HMCN1: variants seen among roughly 807,000 people sequenced by gnomAD.
HMCN1 encodes hemicentin 1.
A neutral mutation model predicts 625.9 loss-of-function variants in HMCN1; 321 were observed. The observed-to-expected ratio is 0.51, with a 90% CI of 0.47 to 0.56. The LOEUF (loss-of-function observed/expected upper bound fraction) is 0.56, where lower values mean the gene tolerates loss of function less well. HMCN1 is among the 20% of genes least tolerant of loss of function. The probability of loss-of-function intolerance (pLI) is 0.00; values close to 1 mark genes in which losing one functional copy is unlikely to be tolerated. For missense variants in HMCN1, 6,588 were observed against 6,887.3 expected (o/e 0.96, Z 1.54); for synonymous variants, 2,425 against 2,417.6 (o/e 1.00, Z -0.09).
intron 2 of HMCN1, among the ~76,000 whole-genome samples, chr1:185,850,362 A>T (rs933112459): frequency 1.3e-5 from 2 of 152,208 alleles, no homozygotes; most frequent in East Asian, 3.8e-4. Context: ...AATGTTAGGA[A>T]GGCATTTATT....
At chr1:186,019,727 G>GA in intron 35 of HMCN1, 32 bp downstream of exon 35, 1 of 1,573,034 alleles carries the variant, frequency 6.4e-7, no homozygotes. Flanking sequence ...CCTAAACTGG[G>GA]AAAGCTACAT....
chr1:185,953,737 C>A (rs1372355300), intron 11 of HMCN1, among the ~76,000 whole-genome samples: 4 of 151,704 alleles, frequency 2.6e-5, no homozygotes, highest in African/African-American at 9.7e-5. Context: ...AAGGGAGGTC[C>A]CCCGATCCGA....
At chr1:186,119,475 C>T (rs1177136275) in intron 78 of HMCN1, among the ~76,000 whole-genome samples, 177 bp downstream of exon 78, 1 of 152,102 alleles carries the variant, frequency 6.6e-6, no homozygotes, top group African/African-American at 2.4e-5. Context: ...AATGGCAAAC[C>T]ACTCAAAGTA....
chr1:186,091,185 G>T (rs1659823663), intron 64 of HMCN1, among the ~76,000 whole-genome samples: 3 of 151,962 alleles, frequency 2.0e-5, no homozygotes, highest in Admixed American at 2.0e-4. Flanking sequence ...CTCATTAACT[G>T]TAATGTTAAC....
chr1:185,949,197 G>T (rs1372950605), intron 11 of HMCN1, among the ~76,000 whole-genome samples: 2 of 151,828 alleles, frequency 1.3e-5, no homozygotes, highest in Non-Finnish European at 2.9e-5. Flanking sequence ...TGATGGCTTG[G>T]AAAAACAGTG....
At chr1:186,140,453 G>T (rs1649884378) in intron 89 of HMCN1, among the ~76,000 whole-genome samples, 1 of 152,164 alleles carries the variant, frequency 6.6e-6, no homozygotes, top group African/African-American at 2.4e-5. Flanking sequence ...GAACACCACA[G>T]AAATGATTTT....
At chr1:186,095,043 A>G (rs191975138) in intron 67 of HMCN1, among the ~76,000 whole-genome samples, 200 bp from the exon 68 acceptor site, 220 of 152,304 alleles carry the variant, frequency 1.4e-3, no homozygotes, top group Middle Eastern at 3.4e-3. Flanking sequence ...TTTAAGTTTC[A>G]TTGCTAATCT....
At chr1:185,779,814 T>G (rs1422814306) in intron 1 of HMCN1, among the ~76,000 whole-genome samples, 2 of 152,328 alleles carry the variant, frequency 1.3e-5, no homozygotes, top group Non-Finnish European at 2.9e-5. Flanking sequence ...GGTTTAGGAT[T>G]GTCTTGGCAA....
intron 20 of HMCN1, among the ~76,000 whole-genome samples, chr1:185,988,425 T>C (rs2102021219): frequency 6.6e-6 from 1 of 152,342 alleles, no homozygotes; most frequent in Middle Eastern, 3.4e-3. Context: ...TTAGCACTAC[T>C]AGTGTTTTGC....
chr1:186,069,810 T>C (rs1487905252), intron 51 of HMCN1, 34 bp downstream of exon 51: 7 of 1,422,518 alleles, frequency 4.9e-6, no homozygotes, highest in Non-Finnish European at 5.9e-6. Flanking sequence ...TTTCATAGCT[T>C]CCCCAATTTT....
intron 9 of HMCN1, among the ~76,000 whole-genome samples, 173 bp downstream of exon 9, chr1:185,925,364 A>G (rs936930203): frequency 6.6e-6 from 1 of 152,258 alleles, no homozygotes; most frequent in Non-Finnish European, 1.5e-5. Flanking sequence ...ATATTGTCAT[A>G]GATGGAGACA....
At chr1:186,078,040 G>A (rs41317481) in intron 54 of HMCN1, 67 bp from the exon 55 acceptor site, 2 of 1,196,378 alleles carry the variant, frequency 1.7e-6, no homozygotes, top group Non-Finnish European at 1.2e-6. Context: ...CTGAAAATTT[G>A]TATCTGTTTA....
chr1:186,151,466 A>G, intron 94 of HMCN1, 117 bp downstream of exon 94: 1 of 1,284,182 alleles, frequency 7.8e-7, no homozygotes, highest in Non-Finnish European at 1.1e-6. Flanking sequence ...AAGCTTTTAA[A>G]CAAACATACA....
At position 186,119,306 on chromosome 1, in the gene HMCN1, A is replaced by G. The variant is rs1208540318; in HGVS notation, c.11956+8A>G. The G allele has an allele frequency of 1.9e-6, 3 of 1,606,048 alleles. No individual in the cohort carries two copies. In the South Asian group the frequency reaches 3.3e-5, roughly 18 times the overall value. ...TGACCCTTCATGTTCATGGTATGGA[A>G]GGCTATTTACTCATTCAAAGTTCGC... On this transcript the variant is annotated splice_region_variant and intron_variant, in intron 78 of 106. Transcript: ENST00000271588.
chr1:185,865,866 C>T lies in HMCN1; in HGVS notation c.621+3C>T. 6.2e-7 allele frequency: 1 copy of T among 1,613,176 alleles called. No individual in the cohort carries two copies. The highest frequency in any genetic ancestry group is 8.5e-7 in the Non-Finnish European group (1 of 1,179,696). ...TGGACAAAAAACAAGTTAATGAGGTCAGTTTAATAAAGGGAGTCTACTTTA... is the reference window on the plus strand; with the variant it reads ...TGGACAAAAAACAAGTTAATGAGGTTAGTTTAATAAAGGGAGTCTACTTTA... On this transcript the variant is annotated splice_donor_region_variant and intron_variant, in intron 4 of 106. Transcript: ENST00000271588.
chr1:186,074,647 T>C (rs1229963582), intron 52 of HMCN1, 94 bp from the exon 53 acceptor site: 1 of 1,094,394 alleles, frequency 9.1e-7, no homozygotes, highest in Non-Finnish European at 1.4e-6. Context: ...TTTATTTTCA[T>C]TTATTTAAAA....
At chr1:186,095,215 A>G in intron 67 of HMCN1, 28 bp from the exon 68 acceptor site, 1 of 1,612,292 alleles carries the variant, frequency 6.2e-7, no homozygotes, top group Non-Finnish European at 8.5e-7. Flanking sequence ...TAGACATCCA[A>G]ATTTTGCCCA....
chr1:186,136,933 C>T lies in HMCN1; in HGVS notation c.13578C>T (p.Val4526=), dbSNP rs1649641890. 2 of 1,613,236 alleles carry T rather than the reference C, an allele frequency of 1.2e-6. No individual in the cohort carries two copies. ...TCCTTGTCAGAGTGCCAGTCATAGT[C>T]CAGGGTGAGTGTGATCAGAGGAATA... is the stretch of plus-strand genomic sequence containing the variant. ...GSVLVRVPVI[V]QVHGGFSQWS... The change falls in exon 87 of 107, where the codon GTC becomes GTT. Residue 4526 remains valine, a synonymous_variant. Transcript: ENST00000271588.
In HMCN1 at chr1:186,174,100, G is replaced by A. The variant is rs1037282624; in HGVS notation, c.15815-414G>A. 2.6e-5 allele frequency among the ~76,000 whole-genome samples: 4 copies of A among 152,292 alleles called. No individual in the cohort carries two copies. The East Asian group carries it at 5.8e-4, about 22-fold the overall frequency. ...GGTTAAGGCATTGAGGGTGTGCTGG[G>A]TTTGAACTAGTGGTAAAACAAAGAG... On this transcript the variant is annotated intron_variant, in intron 102 of 106. Coordinates refer to ENST00000271588, the MANE Select transcript of HMCN1 (RefSeq NM_031935.3).
Sources: gnomAD v4.1 joint callset for allele counts (sites outside exome capture counted in the v4.1 genomes callset) on GRCh38, gnomAD v4.1.1 for gene constraint, MANE v1.5 for transcripts, NCBI Gene and HGNC (gene_info 2026-07-23, HGNC 2026-07-21) for gene names.